CASP8: variants seen among roughly 807,000 people sequenced by gnomAD.
The protein encoded by CASP8 is caspase-8.
Under a neutral mutation model 46.3 loss-of-function variants are expected in CASP8, and 24 were observed. The observed-to-expected ratio is 0.52, with a 90% CI of 0.38 to 0.73. CASP8 has a LOEUF of 0.73. Among genes scored for constraint, CASP8 ranks in the 30% least tolerant of loss-of-function variants. CASP8 has a pLI of 0.00. For missense variants in CASP8, 460 were observed against 559.0 expected (o/e 0.82, Z 1.79); for synonymous variants, 188 against 200.4 (o/e 0.94, Z 0.52).
chr2:201,283,133 G>T (rs111596628), intron 7 of CASP8, among the ~76,000 whole-genome samples: 2,678 of 43,334 alleles, frequency 0.062, 20 homozygotes, highest in East Asian at 0.3. Context: ...GCGGCTGGCC[G>T]GGCAGAGGGG....
chr2:201,263,203 A>G (rs1052448295), intron 1 of CASP8, among the ~76,000 whole-genome samples: 1 of 152,230 alleles, frequency 6.6e-6, no homozygotes. Context: ...AAGAGCCTCA[A>G]AAAGGTTTAT....
chr2:201,264,493 G>T (rs1947655719), intron 1 of CASP8, among the ~76,000 whole-genome samples: 1 of 151,954 alleles, frequency 6.6e-6, no homozygotes, highest in Non-Finnish European at 1.5e-5. Flanking sequence ...GGGCCACGTT[G>T]GTTTATTTTA....
chr2:201,283,316 G>A (rs1949264136), intron 7 of CASP8, among the ~76,000 whole-genome samples: 2 of 80,768 alleles, frequency 2.5e-5, no homozygotes, highest in African/African-American at 8.8e-5. Flanking sequence ...CGGGCAGAGG[G>A]GCTCCTCACT....
intron 2 of CASP8, chr2:201,242,130 AAT>A (rs1219105333): frequency 6.6e-6 from 1 of 152,228 alleles, no homozygotes; most frequent in African/African-American, 2.4e-5. Flanking sequence ...TGGGATTCAT[AAT>A]ATGTTTCAAA....
intron 7 of CASP8, chr2:201,278,245 C>T (rs1948773995): frequency 6.6e-6 from 1 of 152,328 alleles, no homozygotes; most frequent in African/African-American, 2.4e-5. Context: ...GCATTCGAGT[C>T]TGTGTGTCCT....
intron 7 of CASP8, among the ~76,000 whole-genome samples, chr2:201,281,175 G>A (rs1246985999): frequency 1.3e-5 from 2 of 152,088 alleles, no homozygotes; most frequent in African/African-American, 4.8e-5. Flanking sequence ...TTAGCTGGGT[G>A]TGGTGGTGCG....
At chr2:201,273,040 G>A (rs1329477885) in intron 5 of CASP8, 98 bp downstream of exon 5, 6 of 974,866 alleles carry the variant, frequency 6.2e-6, no homozygotes, top group East Asian at 2.4e-5. Flanking sequence ...ACATCTTAAC[G>A]TGCCTGCTCT....
chr2:201,259,477 G>A (rs1947235112), upstream of CASP8, among the ~76,000 whole-genome samples: 1 of 152,130 alleles, frequency 6.6e-6, no homozygotes, highest in African/African-American at 2.4e-5. Context: ...TGGCCATCCA[G>A]GCATTGATAT....
chr2:201,243,002 C>G (rs982739336), intron 2 of CASP8: 3 of 153,810 alleles, frequency 2.0e-5, no homozygotes, highest in Non-Finnish European at 4.3e-5. Flanking sequence ...CTGTATGATT[C>G]TACTTACATG....
At chr2:201,262,973 G>A (rs1409586379) in intron 1 of CASP8, among the ~76,000 whole-genome samples, 1 of 152,196 alleles carries the variant, frequency 6.6e-6, no homozygotes, top group Non-Finnish European at 1.5e-5. Flanking sequence ...AAGAAGCCAC[G>A]TTAGCATTTT....
intron 2 of CASP8, among the ~76,000 whole-genome samples, chr2:201,255,493 C>T (rs1406990846): frequency 6.6e-6 from 1 of 152,218 alleles, no homozygotes; most frequent in Non-Finnish European, 1.5e-5. Flanking sequence ...CTGCTCCCCC[C>T]ATTCTCAGTA....
intron 2 of CASP8, chr2:201,269,607 C>T: frequency 6.2e-7 from 1 of 1,604,022 alleles, no homozygotes; most frequent in Non-Finnish European, 8.5e-7. Flanking sequence ...ATTAATAAGG[C>T]AGGATCTCTC....
chr2:201,243,810 A>G (rs573467033), intron 2 of CASP8, among the ~76,000 whole-genome samples: 1 of 152,286 alleles, frequency 6.6e-6, no homozygotes, highest in African/African-American at 2.4e-5. Context: ...GGCATACAGG[A>G]GGCGATGGGC....
At chr2:201,281,605 A>G (rs923575383) in intron 7 of CASP8, among the ~76,000 whole-genome samples, 45 of 141,898 alleles carry the variant, frequency 3.2e-4, no homozygotes, top group Non-Finnish European at 9.3e-5. Context: ...TTATTAATTC[A>G]TATCTTTTAT....
At chr2:201,258,306 C>A (rs1947130944), upstream of CASP8, 1 of 1,614,010 alleles carries the variant, frequency 6.2e-7, no homozygotes, top group African/African-American at 1.3e-5. Context: ...TTCCCACCCC[C>A]TTCCCTGCTG....
chr2:201,245,861 G>GTTTTT (rs1257770154), intron 2 of CASP8, among the ~76,000 whole-genome samples: 1 of 126,034 alleles, frequency 7.9e-6, no homozygotes, highest in African/African-American at 3.9e-5. Flanking sequence ...TTCCTTGTTT[G>GTTTTT]TTCTTTTTTT....
intron 2 of CASP8, among the ~76,000 whole-genome samples, chr2:201,237,456 A>G (rs1946103612): frequency 6.6e-6 from 1 of 150,790 alleles, no homozygotes; most frequent in Non-Finnish European, 1.5e-5. Context: ...AAAAAAAAAA[A>G]AGGAAAAAAG....
chr2:201,284,602 G>C (rs1289104279), intron 7 of CASP8, among the ~76,000 whole-genome samples: 1 of 64,754 alleles, frequency 1.5e-5, no homozygotes, highest in Admixed American at 1.5e-4. Flanking sequence ...AGGCAGGGAG[G>C]TTGCAGTGAG....
chr2:201,251,641 A>C (rs1946789706), intron 2 of CASP8, among the ~76,000 whole-genome samples: 1 of 150,678 alleles, frequency 6.6e-6, no homozygotes, highest in African/African-American at 2.4e-5. Context: ...AGTGGCTCAC[A>C]CCTGTAATCT....
Sources: gnomAD v4.1 joint callset for allele counts (sites outside exome capture counted in the v4.1 genomes callset) on GRCh38, gnomAD v4.1.1 for gene constraint, MANE v1.5 for transcripts, NCBI Gene and HGNC (gene_info 2026-07-23, HGNC 2026-07-21) for gene names.